The following EPHA1 variants were observed in gnomAD, a reference collection of about 807,000 sequenced individuals.
EPHA1 encodes the protein EPH receptor A1.
EPHA1 carries 92 observed loss-of-function variants against 110.1 expected under a neutral mutation model. That is an observed-to-expected ratio of 0.84 (90% confidence interval 0.71 to 0.99). The LOEUF (loss-of-function observed/expected upper bound fraction) is 0.99. EPHA1 is among the 50% of genes least tolerant of loss of function. The probability of loss-of-function intolerance (pLI) is 0.00; values close to 1 mark genes in which losing one functional copy is unlikely to be tolerated. For synonymous variants in EPHA1, 500 were observed against 516.1 expected (o/e 0.97, Z 0.42); for missense variants, 1,204 against 1,285.4 (o/e 0.94, Z 0.97).
intron 1 of EPHA1, 136 bp downstream of exon 1, chr7:143,408,588 G>A (rs1805621574): frequency 1.1e-5 from 4 of 374,980 alleles, no homozygotes; most frequent in Admixed American, 4.7e-5. Context: ...CCTGGCGGTC[G>A]GGCACAGCGA....
At chr7:143,399,591 C>T (rs1291766913) in intron 4 of EPHA1, 60 bp downstream of exon 4, 29 of 1,600,490 alleles carry the variant, frequency 1.8e-5, no homozygotes, top group East Asian at 8.9e-5. Context: ...CCTTCTCTGC[C>T]GGGGTACTCC....
In EPHA1 at chr7:143,393,637, T is replaced by A. The variant is rs1434981079; in HGVS notation, c.2696+34A>T. 1 of 1,606,842 alleles carries A rather than the reference T, an allele frequency of 6.2e-7. No homozygotes were observed. ...CCATTTCCACTCTCCTAGCGCTGCC[T>A]CTGGGTTCCCTAGTCCTTCCCCTGC... On this transcript the variant is annotated intron_variant, in intron 16 of 17. Transcript: ENST00000275815. The surrounding 1 kb of genome is among the most constrained non-coding windows in gnomAD (Gnocchi z 5.6).
At position 143,397,545 on chromosome 7, in the gene EPHA1, G is replaced by A. The variant is rs185706866; in HGVS notation, c.1712+16C>T. On this transcript the variant is annotated intron_variant, in intron 9 of 17. Transcript: ENST00000275815. ...GACCCAGGGCTGGTGGTTGGGGAGG[G>A]GGCAGGAGCTGGCACCTGGACCGGA... 276 of 1,613,792 alleles carry A rather than the reference G, an allele frequency of 1.7e-4. No individual in the cohort carries two copies. The African/African-American group carries it at 3.1e-3, about 18-fold the overall frequency.
In EPHA1 at chr7:143,394,174, G is replaced by A. The variant is rs1261712679; in HGVS notation, c.2502+20C>T. 1 of 1,601,204 alleles carries A rather than the reference G, an allele frequency of 6.2e-7. No homozygotes were observed. Among genetic ancestry groups the A allele is most frequent in the Admixed American group, 1.7e-5 (1 of 58,886 alleles). The stretch of plus-strand genomic sequence containing the variant: ...AGGTGTGAATTGGAGACAAGATGAG[G>A]AAGAATATTCTGGGCTCACCTCCTG... On this transcript the variant is annotated intron_variant, in intron 15 of 17. Transcript: ENST00000275815.
chr7:143,401,640 A>T lies in EPHA1; in HGVS notation c.151-35T>A. ...GGAAATCAGAGTCAGGGACCAGATC[A>T]TCCCCTGCTCCCCAAACCCTTGGTT... On this transcript the variant is annotated intron_variant, in intron 2 of 17. Coordinates refer to ENST00000275815, the MANE Select transcript of EPHA1 (RefSeq NM_005232.5). This position sits in a 1 kb window ranked among gnomAD's most constrained non-coding sequence, Gnocchi z 4.1. 6.3e-7 allele frequency: 1 copy of T among 1,595,452 alleles called. No homozygotes were observed.
Position 143,401,742 on chromosome 7 carries a change from A to G in EPHA1, c.151-137T>C. 9.7e-7 allele frequency: 1 copy of G among 1,026,044 alleles called. No individual in the cohort carries two copies. The highest frequency in any genetic ancestry group is 1.4e-6 in the Non-Finnish European group (1 of 702,576). 63.6% of individuals were successfully genotyped at this position (1,026,044 alleles called of 1,614,324 possible). On this transcript the variant is annotated intron_variant, in intron 2 of 17. Coordinates refer to ENST00000275815, the MANE Select transcript of EPHA1 (RefSeq NM_005232.5). The surrounding 1 kb of genome is among the most constrained non-coding windows in gnomAD (Gnocchi z 4.1). The stretch of plus-strand genomic sequence containing the variant: ...CTTGTTCTGCCTCTCCCCACCCCTC[A>G]GCTCCAGGACAGTAGACTGAGTGTT...
intron 3 of EPHA1, 128 bp from the exon 4 acceptor site, chr7:143,400,181 C>G: frequency 2.6e-6 from 3 of 1,135,464 alleles, no homozygotes; most frequent in Non-Finnish European, 3.7e-6. Context: ...TGTGAGGTGC[C>G]AGGCTAAGCA....
chr7:143,407,204 G>A (rs1805575863), intron 2 of EPHA1, among the ~76,000 whole-genome samples: 1 of 152,074 alleles, frequency 6.6e-6, no homozygotes, highest in Admixed American at 6.5e-5. Context: ...ACCTATCAAT[G>A]CAACTTCATT....
intron 2 of EPHA1, among the ~76,000 whole-genome samples, chr7:143,403,937 C>A (rs1310941755): frequency 1.3e-5 from 2 of 152,192 alleles, no homozygotes; most frequent in Non-Finnish European, 2.9e-5. Context: ...AGACACGAAT[C>A]ATTTCCTTCA....
chr7:143,407,606 C>T lies in EPHA1; in HGVS notation c.150+5G>A. 1.2e-6 allele frequency: 2 copies of T among 1,613,280 alleles called. No individual in the cohort carries two copies. The highest frequency in any genetic ancestry group is 1.7e-6 in the Non-Finnish European group (2 of 1,179,588). On this transcript the variant is annotated splice_donor_5th_base_variant and intron_variant, in intron 2 of 17. Coordinates refer to ENST00000275815, the MANE Select transcript of EPHA1 (RefSeq NM_005232.5). ...TCCAAGATCCTTCCCTCTTCCGACA[C>T]TTACCCCATCTTTTGGGGGATCCAG...
In EPHA1 at chr7:143,395,827, T is replaced by C. The variant is rs903576698; in HGVS notation, c.1898-323A>G. ...CATGAAGAGCAAGCTAGTGCGGCAC[T>C]AGTACCCAAGTGGCAGGGACGCTGG... is the stretch of plus-strand genomic sequence containing the variant. On this transcript the variant is annotated intron_variant, in intron 11 of 17. Transcript: ENST00000275815. This position sits in a 1 kb window ranked among gnomAD's most constrained non-coding sequence, Gnocchi z 4.7. 2.6e-5 allele frequency among the ~76,000 whole-genome samples: 4 copies of C among 152,226 alleles called. No homozygotes were observed. The highest frequency in any genetic ancestry group is 5.9e-5 in the Non-Finnish European group (4 of 68,040).
chr7:143,406,782 C>T (rs1175298027), intron 2 of EPHA1, among the ~76,000 whole-genome samples: 3 of 152,210 alleles, frequency 2.0e-5, no homozygotes, highest in Admixed American at 2.0e-4. Flanking sequence ...TTGGTGACCA[C>T]AGGTCACCGA....
At chr7:143,407,552 C>T (rs1294899891) in intron 2 of EPHA1, 59 bp downstream of exon 2, 4 of 1,552,716 alleles carry the variant, frequency 2.6e-6, no homozygotes, top group Non-Finnish European at 3.5e-6. Flanking sequence ...CACCTCTCCA[C>T]CCCATTTCCC....
Position 143,399,922 on chromosome 7 carries a change from C to G in EPHA1, c.564G>C (p.Pro188=), listed in dbSNP as rs146631359. 523 of 1,613,294 alleles carry G rather than the reference C, an allele frequency of 3.2e-4. 1 individual carries two copies. In the African/African-American group the frequency reaches 6.3e-3, roughly 19 times the overall value. ...RRGLYLAFHN[P]GACVALVSVR... Reference sequence around the variant, plus strand: ...CAGACACCAGGGCCACACAGGCACCCGGGTTGTGGAAAGCGAGGTAGAGGC... The same window carrying G: ...CAGACACCAGGGCCACACAGGCACCGGGGTTGTGGAAAGCGAGGTAGAGGC... The change falls in exon 4 of 18, where the codon CCG becomes CCC. Residue 188 remains proline, a synonymous_variant. Coordinates refer to ENST00000275815, the MANE Select transcript of EPHA1 (RefSeq NM_005232.5).
Position 143,397,970 on chromosome 7 carries a change from A to G in EPHA1, c.1565T>C (p.Leu522Pro). Residue 522 changes from leucine (L) to proline (P), a missense_variant, in exon 8 of 18, where the codon CTG (leucine) becomes CCG (proline). Leu to Pro is a moderately conservative substitution (Grantham distance 98, BLOSUM62 -3). Coordinates refer to ENST00000275815, the MANE Select transcript of EPHA1 (RefSeq NM_005232.5). ...ATCAGGGGAGAAAGGGCCAGGACCC[A>G]GTGGGGTCAGCATTCGGACTCTGAC... ...YIVRVRMLTP[L>P]GPGPFSPDHE... The G allele has an allele frequency of 1.2e-6, 2 of 1,614,132 alleles. No individual in the cohort carries two copies. The highest frequency in any genetic ancestry group is 2.2e-5 in the South Asian group (2 of 91,082).
intron 4 of EPHA1, 92 bp downstream of exon 4, chr7:143,399,559 C>A: frequency 6.3e-7 from 1 of 1,575,764 alleles, no homozygotes; most frequent in Non-Finnish European, 8.6e-7. Context: ...GTTAAAAACC[C>A]ACTGAGGCGG....
Position 143,391,399 on chromosome 7 carries a change from G to T in EPHA1, c.*58C>A, listed in dbSNP as rs572209090. On this transcript the variant is annotated 3_prime_UTR_variant, in exon 18 of 18. Transcript: ENST00000275815. ...AGGGGCGCAGGGAGTGACCATGAGC[G>T]ACCTTGGCCCCGTCCTTGCTCCTTG... 9 of 1,598,846 alleles carry T rather than the reference G, an allele frequency of 5.6e-6. No homozygotes were observed. Among genetic ancestry groups the T allele is most frequent in the African/African-American group, 1.3e-5 (1 of 74,554 alleles).
Position 143,392,556 on chromosome 7 carries a change from AC to A in EPHA1, c.2697-782del, listed in dbSNP as rs199518273. ...GCTTCCCCAACCTGAGCGCTCCCCCACCCCCCCATCAGTTCATTCTCTACAC... is the reference window on the plus strand; with the variant it reads ...GCTTCCCCAACCTGAGCGCTCCCCCACCCCCCATCAGTTCATTCTCTACAC... On this transcript the variant is annotated intron_variant, in intron 16 of 17. Coordinates refer to ENST00000275815, the MANE Select transcript of EPHA1 (RefSeq NM_005232.5). Among the ~76,000 whole-genome samples the A allele has an allele frequency of 2.5e-3, 266 of 107,600 alleles. 2 individuals carry two copies. The highest frequency in any genetic ancestry group is 8.5e-3 in the African/African-American group (242 of 28,426). The allele number at this position is 107,600 out of a possible 152,430, so 70.6% of individuals were successfully genotyped here.
chr7:143,398,927 C>T lies in EPHA1; in HGVS notation c.1010G>A (p.Arg337Gln), dbSNP rs201581948. The T allele has an allele frequency of 7.6e-4, 1,215 of 1,608,022 alleles. 2 individuals are homozygous for T. The highest frequency in any genetic ancestry group is 9.3e-4 in the Non-Finnish European group (1,098 of 1,176,882). Residue 337 changes from arginine to glutamine, a missense_variant, in exon 6 of 18, where the codon CGA becomes CAA. By Grantham distance (43) the Arg-to-Gln change is conservative. Coordinates refer to ENST00000275815, the MANE Select transcript of EPHA1 (RefSeq NM_005232.5). ...VACTGPPSAPRNLSFSASGTQ... is the reference protein window; with the variant it reads ...VACTGPPSAPQNLSFSASGTQ... ...CCCTGAGGCAGAGAAGCTCAGGTTT[C>T]GGGGGGCCGAGGGGGGACCTGTGGG... is the stretch of plus-strand genomic sequence containing the variant.
Sources: gnomAD v4.1 joint callset for allele counts (sites outside exome capture counted in the v4.1 genomes callset) on GRCh38, gnomAD v4.1.1 for gene constraint, Gnocchi (gnomAD v3.1) non-coding constraint, MANE v1.5 for transcripts, NCBI Gene and HGNC (gene_info 2026-07-23, HGNC 2026-07-21) for gene names.